SMIM21: variants seen among roughly 807,000 people sequenced by gnomAD.
The protein encoded by SMIM21 is chromosome 18 open reading frame 62.
In SMIM21, 8 loss-of-function variants were observed where a neutral mutation model predicts 8.6. The ratio of observed to expected loss-of-function variants is 0.93; its 90% CI spans 0.55 to 1.68. SMIM21 has a LOEUF of 1.68. SMIM21 is among the 40% of genes most tolerant of loss of function. SMIM21 has a pLI of 0.00. For synonymous variants in SMIM21, 43 were observed against 41.7 expected, an observed-to-expected ratio of 1.03 and a Z score of -0.12; for missense variants, 132 against 123.0, an observed-to-expected ratio of 1.07 and a Z score of -0.35.
intron 2 of SMIM21, among the ~76,000 whole-genome samples, chr18:75,415,557 G>A (rs1376940409): frequency 6.6e-6 from 1 of 152,214 alleles, no homozygotes; most frequent in African/African-American, 2.4e-5. Flanking sequence ...CATGTGAGAT[G>A]ATAGTGAAGC....
At chr18:75,421,733 T>A (rs957248161) in intron 1 of SMIM21, among the ~76,000 whole-genome samples, 2 of 152,160 alleles carry the variant, frequency 1.3e-5, no homozygotes, top group African/African-American at 2.4e-5. Context: ...CAGCTCCATG[T>A]CCAGAAGAAA....
chr18:75,427,357 A>G, intron 1 of SMIM21, 78 bp downstream of exon 1: 2 of 1,462,178 alleles, frequency 1.4e-6, no homozygotes, highest in Non-Finnish European at 1.8e-6. Context: ...GATTGGGGCA[A>G]AAGAGTGCTT....
intron 1 of SMIM21, among the ~76,000 whole-genome samples, chr18:75,423,482 G>A (rs1375994100): frequency 6.6e-6 from 1 of 152,224 alleles, no homozygotes; most frequent in Non-Finnish European, 1.5e-5. Context: ...CCTTCCTGGG[G>A]TGAGAGCTGT....
At chr18:75,412,188 G>C (rs922812951) in intron 2 of SMIM21, among the ~76,000 whole-genome samples, 1 of 152,192 alleles carries the variant, frequency 6.6e-6, no homozygotes, top group Admixed American at 6.5e-5. Context: ...TTCTCCAAGA[G>C]AGGGCAAGTA....
At chr18:75,415,194 A>T (rs958213824) in intron 2 of SMIM21, among the ~76,000 whole-genome samples, 2 of 152,180 alleles carry the variant, frequency 1.3e-5, no homozygotes, top group African/African-American at 2.4e-5. Flanking sequence ...TTCCCAGGTA[A>T]GTCTCCATGG....
intron 1 of SMIM21, among the ~76,000 whole-genome samples, chr18:75,426,198 C>T (rs1231638001): frequency 3.3e-5 from 5 of 152,184 alleles, no homozygotes; most frequent in Non-Finnish European, 7.3e-5. Flanking sequence ...CGACTTACAA[C>T]TATCACATAT....
chr18:75,427,481 C>A lies in SMIM21; in HGVS notation c.83G>T (p.Gly28Val). The A allele has an allele frequency of 6.2e-7, 1 of 1,614,102 alleles. No homozygotes were observed. Among genetic ancestry groups the A allele is most frequent in the Middle Eastern group, 1.7e-4 (1 of 6,060 alleles). The change falls in exon 1 of 3, where the codon GGA becomes GTA. Residue 28 changes from glycine (G) to valine (V), a missense_variant. Transcript: ENST00000579022. The stretch of plus-strand genomic sequence containing the variant: ...CAGCAAATTCCCCTTGAATATCCGT[C>A]CCATTCCTGCAGAGTCTTGTTTAAA... ...GTFKQDSAGM[G>V]RIFKGNLLQK...
At chr18:75,423,137 C>T (rs553348396) in intron 1 of SMIM21, among the ~76,000 whole-genome samples, 51 of 152,148 alleles carry the variant, frequency 3.4e-4, no homozygotes, top group Non-Finnish European at 2.5e-4. Flanking sequence ...CTTGCAAATC[C>T]CCTGCCCCAA....
chr18:75,414,112 CACACACACAT>C (rs1465048843), intron 2 of SMIM21, among the ~76,000 whole-genome samples: 5 of 79,884 alleles, frequency 6.3e-5, no homozygotes, highest in Admixed American at 1.4e-4. Flanking sequence ...CACACACACA[CACACACACAT>C]ACACACACAC....
At chr18:75,411,383 G>T (rs932156169) in intron 2 of SMIM21, among the ~76,000 whole-genome samples, 6 of 152,244 alleles carry the variant, frequency 3.9e-5, no homozygotes, top group African/African-American at 1.4e-4. Context: ...GAGCTCAGGG[G>T]TTTGGCCTGA....
At position 75,410,372 on chromosome 18, in the gene SMIM21, T is replaced by C; in HGVS notation, c.*492A>G. ...GTTACCCAAACCATCAGCTTCTCAG[T>C]TTGGTGTCAGGATGACTTTGACAGG... On this transcript the variant is annotated 3_prime_UTR_variant, in exon 3 of 3. Coordinates refer to ENST00000579022, the MANE Select transcript of SMIM21 (RefSeq NM_001037331.3). 1 of 153,990 alleles carries C rather than the reference T, an allele frequency of 6.5e-6. No individual in the cohort carries two copies. Among genetic ancestry groups the C allele is most frequent in the East Asian group, 1.9e-4 (1 of 5,226 alleles). The allele number at this position is 153,990 out of a possible 1,614,324, so 9.5% of individuals were successfully genotyped here. A position where few individuals can be genotyped will look rare whatever the true frequency, so the allele number is the denominator to read the frequency against.
At position 75,426,631 on chromosome 18, in the gene SMIM21, TAAAAAAAAAAAAAAAAAAAAAAA is replaced by T. The variant is rs777676195; in HGVS notation, c.129+781_129+803del. Reference sequence around the variant, plus strand: ...GCCCTAGACCATTACTTTTAAAATGTAAAAAAAAAAAAAAAAAAAAAAAAAAAAAAAAAAAAAAAATGGAAAAA... The same window carrying T: ...GCCCTAGACCATTACTTTTAAAATGTAAAAAAAAAAAAAAAAATGGAAAAA... On this transcript the variant is annotated intron_variant, in intron 1 of 2. Coordinates refer to ENST00000579022, the MANE Select transcript of SMIM21 (RefSeq NM_001037331.3). Among the ~76,000 whole-genome samples the T allele has an allele frequency of 9.1e-3, 813 of 89,264 alleles. 9 individuals carry two copies. The highest frequency in any genetic ancestry group is 0.011 in the Non-Finnish European group (551 of 48,140). The allele number at this position is 89,264 out of a possible 152,430, so 58.6% of individuals were successfully genotyped here. A position where few individuals can be genotyped will look rare whatever the true frequency, so the allele number is the denominator to read the frequency against.
At chr18:75,420,223 C>A (rs1481269729) in intron 1 of SMIM21, among the ~76,000 whole-genome samples, 2 of 152,148 alleles carry the variant, frequency 1.3e-5, no homozygotes, top group African/African-American at 4.8e-5. Flanking sequence ...TGGGTTGTAT[C>A]ATGTTTGAAT....
intron 1 of SMIM21, among the ~76,000 whole-genome samples, chr18:75,419,582 CT>C (rs2024688079): frequency 6.6e-6 from 1 of 152,102 alleles, no homozygotes; most frequent in South Asian, 2.1e-4. Flanking sequence ...GAAAATAAAT[CT>C]AGTCAAGGTG....
Position 75,410,601 on chromosome 18 carries a change from G to A in SMIM21, c.*263C>T. 1.3e-6 allele frequency: 1 copy of A among 749,492 alleles called. No individual in the cohort carries two copies. The highest frequency in any genetic ancestry group is 1.9e-6 in the Non-Finnish European group (1 of 517,818). 46.4% of individuals were successfully genotyped at this position (749,492 alleles called of 1,614,324 possible). On this transcript the variant is annotated 3_prime_UTR_variant, in exon 3 of 3. Coordinates refer to ENST00000579022, the MANE Select transcript of SMIM21 (RefSeq NM_001037331.3). The stretch of plus-strand genomic sequence containing the variant: ...CTGCTGGATCTGTTTCGACACGCAG[G>A]GCAGATTTCGCAGGGTTGGGTGGCA...
rs377542176 is a variant in SMIM21, at chr18:75,417,817, C to T, written c.260+969G>A. 5.6e-5 allele frequency: 10 copies of T among 177,556 alleles called. No individual in the cohort carries two copies. The South Asian group carries it at 1.4e-3, about 25-fold the overall frequency. 11.0% of individuals were successfully genotyped at this position (177,556 alleles called of 1,614,324 possible). Reference sequence around the variant, plus strand: ...TATAATGTTCCAATTAAGAACTTATCGCCCTGAAATTCTGGAATCTCACAT... The same window carrying T: ...TATAATGTTCCAATTAAGAACTTATTGCCCTGAAATTCTGGAATCTCACAT... On this transcript the variant is annotated intron_variant, in intron 2 of 2. Coordinates refer to ENST00000579022, the MANE Select transcript of SMIM21 (RefSeq NM_001037331.3).
At chr18:75,411,256 C>T (rs1488727500) in intron 2 of SMIM21, among the ~76,000 whole-genome samples, 1 of 152,234 alleles carries the variant, frequency 6.6e-6, no homozygotes, top group Non-Finnish European at 1.5e-5. Context: ...TATATGCGAA[C>T]TCTGAAATAA....
At chr18:75,419,185 G>T (rs1425007209) in intron 1 of SMIM21, 2 of 251,986 alleles carry the variant, frequency 7.9e-6, no homozygotes, top group South Asian at 9.7e-5. Flanking sequence ...CAGATTCACA[G>T]AGAGTTCTAT....
At chr18:75,411,579 A>C (rs2024585435) in intron 2 of SMIM21, among the ~76,000 whole-genome samples, 1 of 152,234 alleles carries the variant, frequency 6.6e-6, no homozygotes, top group African/African-American at 2.4e-5. Context: ...GAGACAGCTC[A>C]GGGGTGGCTT....
Sources: gnomAD v4.1 joint callset for allele counts (sites outside exome capture counted in the v4.1 genomes callset) on GRCh38, gnomAD v4.1.1 for gene constraint, MANE v1.5 for transcripts, NCBI Gene and HGNC (gene_info 2026-07-23, HGNC 2026-07-21) for gene names.